The following PRKCZ variants were observed in gnomAD, a reference collection of about 807,000 sequenced individuals.
PRKCZ encodes protein kinase C zeta type.
PRKCZ carries 33 observed loss-of-function variants against 79.5 expected under a neutral mutation model. That is an observed-to-expected ratio of 0.41 (90% CI 0.31 to 0.55). The LOEUF is 0.55. Ranked by LOEUF, PRKCZ falls within the 20% of genes least tolerant of loss-of-function variation. The pLI is 0.19. For missense variants in PRKCZ, 578 were observed against 813.5 expected (o/e 0.71, Z 3.52); for synonymous variants, 342 against 320.9 (o/e 1.07, Z -0.70).
intron 4 of PRKCZ, among the ~76,000 whole-genome samples, chr1:2,063,205 G>T (rs374171194): frequency 6.6e-6 from 1 of 152,212 alleles, no homozygotes; most frequent in Non-Finnish European, 1.5e-5. Flanking sequence ...TTTAGCTGTC[G>T]TGAATGATGC....
chr1:2,108,849 G>A (rs1361996997), intron 4 of PRKCZ, among the ~76,000 whole-genome samples: 1 of 152,214 alleles, frequency 6.6e-6, no homozygotes, highest in Non-Finnish European at 1.5e-5. Context: ...TCTGGAGGGT[G>A]CGAGTGCAGA....
chr1:2,088,216 A>G (rs1308786762), intron 4 of PRKCZ, among the ~76,000 whole-genome samples: 1 of 151,924 alleles, frequency 6.6e-6, no homozygotes, highest in Admixed American at 6.6e-5. Context: ...CGCCCAGCAC[A>G]CCTGAGAAGA....
rs905032142 is a variant in PRKCZ at position 2,075,568 on chromosome 1, C to T, written c.334+15977C>T. 6.6e-6 allele frequency among the ~76,000 whole-genome samples: 1 copy of T among 152,220 alleles called. No homozygotes were observed. The highest frequency in any genetic ancestry group is 1.5e-5 in the Non-Finnish European group (1 of 68,030). ...GTGGGGGCCCTTCTCCGACCGTCTTCCTAGACTTCAGAGCCACTGGTGGTT... is the reference window on the plus strand; with the variant it reads ...GTGGGGGCCCTTCTCCGACCGTCTTTCTAGACTTCAGAGCCACTGGTGGTT... On this transcript the variant is annotated intron_variant, in intron 4 of 17. Coordinates refer to ENST00000378567, the MANE Select transcript of PRKCZ (RefSeq NM_002744.6). This position sits in a 1 kb window ranked among gnomAD's most constrained non-coding sequence, Gnocchi z 4.8.
intron 4 of PRKCZ, among the ~76,000 whole-genome samples, chr1:2,069,976 CG>C (rs35935901): frequency 3.9e-5 from 6 of 152,114 alleles, no homozygotes; most frequent in Non-Finnish European, 5.9e-5. Flanking sequence ...GAGGAGGTGC[CG>C]GGGGTAGCCT....
Position 2,137,755 on chromosome 1 carries a change from G to C in PRKCZ, c.420+2408G>C, listed in dbSNP as rs540126097. Among the ~76,000 whole-genome samples, 36 of 152,308 alleles carry C rather than the reference G, an allele frequency of 2.4e-4. No homozygotes were observed. In the South Asian group the frequency reaches 7.5e-3, roughly 32 times the overall value. Reference sequence around the variant, plus strand: ...TGCCGATGGCAGGTGCAGACCATAAGTGACCCTCCCCCTCCCCACCACCAC... The same window carrying C: ...TGCCGATGGCAGGTGCAGACCATAACTGACCCTCCCCCTCCCCACCACCAC... On this transcript the variant is annotated intron_variant, in intron 5 of 17. Transcript: ENST00000378567.
intron 16 of PRKCZ, 22 bp from the exon 17 acceptor site, chr1:2,184,561 C>A: frequency 1.9e-6 from 3 of 1,603,332 alleles, no homozygotes; most frequent in Non-Finnish European, 2.6e-6. Flanking sequence ...GGAGCTGACC[C>A]TTCTCCTATT....
chr1:2,058,154 A>T (rs1660351786), intron 3 of PRKCZ, among the ~76,000 whole-genome samples: 1 of 152,146 alleles, frequency 6.6e-6, no homozygotes, highest in South Asian at 2.1e-4. Context: ...GGCGTGAGCC[A>T]CGGTGCCCGG....
chr1:2,100,734 C>T (rs948976850), intron 4 of PRKCZ, among the ~76,000 whole-genome samples: 9 of 152,134 alleles, frequency 5.9e-5, no homozygotes, highest in African/African-American at 1.4e-4. Flanking sequence ...CTTTTGAGGC[C>T]GGCCCAGCCC....
intron 4 of PRKCZ, among the ~76,000 whole-genome samples, chr1:2,100,771 C>T (rs1175536724): frequency 6.6e-6 from 1 of 152,050 alleles, no homozygotes; most frequent in Non-Finnish European, 1.5e-5. Context: ...GCAGAGGCCT[C>T]GTGGGTTGGA....
At chr1:2,090,449 A>C (rs2102475707) in intron 4 of PRKCZ, among the ~76,000 whole-genome samples, 2 of 152,192 alleles carry the variant, frequency 1.3e-5, no homozygotes, top group Non-Finnish European at 2.9e-5. Flanking sequence ...CTGTGTCCCC[A>C]CAGGATGGTG....
intron 4 of PRKCZ, among the ~76,000 whole-genome samples, chr1:2,069,377 TGGAGTGGAAAG>T (rs1661382587): frequency 6.6e-6 from 1 of 151,840 alleles, no homozygotes; most frequent in Non-Finnish European, 1.5e-5. Context: ...CAAGGGGGCA[TGGAGTGGAAAG>T]GGAGTGGGTG....
chr1:2,155,013 A>T (rs1680650312), intron 9 of PRKCZ, among the ~76,000 whole-genome samples: 1 of 152,218 alleles, frequency 6.6e-6, no homozygotes, highest in Non-Finnish European at 1.5e-5. Context: ...TGGAACTGTT[A>T]GGGCAAAGCC....
At chr1:2,163,662 G>A (rs574928018) in intron 10 of PRKCZ, among the ~76,000 whole-genome samples, 8 of 152,164 alleles carry the variant, frequency 5.3e-5, no homozygotes, top group South Asian at 2.1e-4. Context: ...AGGCCGAGGC[G>A]GGTAGATCAC....
chr1:2,074,175 T>C (rs1291436453), intron 4 of PRKCZ: 1 of 1,549,518 alleles, frequency 6.5e-7, no homozygotes, highest in Non-Finnish European at 8.7e-7. Context: ...GAGAGGCTGT[T>C]GTTTTGCGGG....
intron 4 of PRKCZ, among the ~76,000 whole-genome samples, chr1:2,102,203 C>G (rs1256237509): frequency 1.3e-5 from 2 of 152,164 alleles, no homozygotes; most frequent in Non-Finnish European, 2.9e-5. Flanking sequence ...GACCTCCACA[C>G]CAGTTCAGCC....
chr1:2,175,350 C>T (rs538732036), intron 16 of PRKCZ, 37 bp downstream of exon 16: 2 of 1,544,406 alleles, frequency 1.3e-6, no homozygotes, highest in Non-Finnish European at 1.8e-6. Flanking sequence ...CCCCCATCCC[C>T]ATCCCAACCC....
At chr1:2,132,903 C>G (rs1397750280) in intron 4 of PRKCZ, among the ~76,000 whole-genome samples, 2 of 152,216 alleles carry the variant, frequency 1.3e-5, no homozygotes, top group Admixed American at 6.5e-5. Flanking sequence ...AACGTCTTTT[C>G]TCAAGTTCTG....
In PRKCZ at chr1:2,128,484, G is replaced by A. The variant is rs1674364566; in HGVS notation, c.335-6778G>A. On this transcript the variant is annotated intron_variant, in intron 4 of 17. Transcript: ENST00000378567. The surrounding 1 kb of genome is among the most constrained non-coding windows in gnomAD (Gnocchi z 6.5). ...CGTCTTGTCAGAGTGCTCAAGGCGCGAGATTGCCATGGAAACTGAGCTCCT... is the reference window on the plus strand; with the variant it reads ...CGTCTTGTCAGAGTGCTCAAGGCGCAAGATTGCCATGGAAACTGAGCTCCT... 1.3e-5 allele frequency among the ~76,000 whole-genome samples: 2 copies of A among 152,234 alleles called. No homozygotes were observed. Among genetic ancestry groups the A allele is most frequent in the South Asian group, 2.1e-4 (1 of 4,834 alleles).
chr1:2,133,085 C>A (rs1445771376), intron 4 of PRKCZ, among the ~76,000 whole-genome samples: 1 of 152,200 alleles, frequency 6.6e-6, no homozygotes, highest in African/African-American at 2.4e-5. Flanking sequence ...TGAGCCCTGG[C>A]GTCTGCTAGG....
Sources: gnomAD v4.1 joint callset for allele counts (sites outside exome capture counted in the v4.1 genomes callset) on GRCh38, gnomAD v4.1.1 for gene constraint, Gnocchi (gnomAD v3.1) non-coding constraint, MANE v1.5 for transcripts, NCBI Gene and HGNC (gene_info 2026-07-23, HGNC 2026-07-21) for gene names.